NGLY1: variants seen among roughly 807,000 people sequenced by gnomAD.
NGLY1 encodes the protein peptide-N(4)-(N-acetyl-beta-glucosaminyl)asparagine amidase.
A neutral mutation model predicts 84.6 loss-of-function variants in NGLY1; 68 were observed. The ratio of observed to expected loss-of-function variants is 0.80; its 90% CI spans 0.66 to 0.98. The LOEUF is 0.98. NGLY1 is among the 50% of genes least tolerant of loss of function. The probability of loss-of-function intolerance (pLI) is 0.00; values close to 1 mark genes in which losing one functional copy is unlikely to be tolerated. For missense variants in NGLY1, 779 were observed against 770.2 expected (o/e 1.01, Z -0.14); for synonymous variants, 280 against 275.2 (o/e 1.02, Z -0.17).
In NGLY1 at chr3:25,734,127, C is replaced by G. The variant is rs549876252; in HGVS notation, c.1150-145G>C. On this transcript the variant is annotated intron_variant, in intron 7 of 11. Transcript: ENST00000280700. ...TGTTGTCCAGGCTAGAGTGCAGTGG[C>G]GTGATCTCAGCTCACTGCAGTCTCA... 4 of 1,096,598 alleles carry G rather than the reference C, an allele frequency of 3.6e-6. No individual in the cohort carries two copies. In the Admixed American group the frequency reaches 8.1e-5, roughly 22 times the overall value. The allele number at this position is 1,096,598 out of a possible 1,614,324, so 67.9% of individuals were successfully genotyped here. A position where few individuals can be genotyped will look rare whatever the true frequency, so the allele number is the denominator to read the frequency against.
At chr3:25,745,689 C>T (rs751125680) in intron 4 of NGLY1, among the ~76,000 whole-genome samples, 2 of 152,116 alleles carry the variant, frequency 1.3e-5, no homozygotes, top group African/African-American at 2.4e-5. Context: ...CCCTCTTATC[C>T]CTCTTATGTA....
chr3:25,755,145 C>T, intron 3 of NGLY1: 1 of 1,252,358 alleles, frequency 8.0e-7, no homozygotes. Context: ...GTGAGACTGG[C>T]AATCCAGTGT....
Position 25,775,672 on chromosome 3 carries a change from G to A in NGLY1, c.246+2902C>T, listed in dbSNP as rs1325331234. Among the ~76,000 whole-genome samples, 4 of 152,180 alleles carry A rather than the reference G, an allele frequency of 2.6e-5. No individual in the cohort carries two copies. In the East Asian group the frequency reaches 7.7e-4, roughly 29 times the overall value. ...TTAAAAAAATAAAGAAGAGTGGAAT[G>A]GCAGTTACCAAAGGCTTGGAGGGAT... is the stretch of plus-strand genomic sequence containing the variant. On this transcript the variant is annotated intron_variant, in intron 2 of 11. Transcript: ENST00000280700.
At chr3:25,782,985 T>G in intron 1 of NGLY1, 1 of 389,376 alleles carries the variant, frequency 2.6e-6, no homozygotes, top group Non-Finnish European at 4.7e-6. Flanking sequence ...CGGCCCCGCT[T>G]CCGGGACTCC....
At chr3:25,778,797 TTTTC>T (rs1360535024) in intron 1 of NGLY1, 109 bp from the exon 2 acceptor site, 1 of 504,382 alleles carries the variant, frequency 2.0e-6, no homozygotes, top group Non-Finnish European at 3.6e-6. Flanking sequence ...AGTCACCTGA[TTTTC>T]TTTCTTCCCT....
At chr3:25,776,904 C>T (rs1360428651) in intron 2 of NGLY1, among the ~76,000 whole-genome samples, 1 of 152,142 alleles carries the variant, frequency 6.6e-6, no homozygotes, top group African/African-American at 2.4e-5. Flanking sequence ...ATTCCAGGAG[C>T]TAGCAACACA....
At chr3:25,759,586 C>T (rs922532376) in intron 3 of NGLY1, among the ~76,000 whole-genome samples, 15 of 152,060 alleles carry the variant, frequency 9.9e-5, no homozygotes, top group Admixed American at 9.2e-4. Context: ...ATTGGCACAA[C>T]TCTGAAAAAA....
intron 10 of NGLY1, among the ~76,000 whole-genome samples, chr3:25,723,628 A>AG (rs11391425): frequency 2.0e-5 from 3 of 152,142 alleles, no homozygotes; most frequent in Non-Finnish European, 2.9e-5. Context: ...TTTATTTAAA[A>AG]GGAAAAAAAA....
chr3:25,777,922 T>C (rs1708232350), intron 2 of NGLY1: 1 of 152,226 alleles, frequency 6.6e-6, no homozygotes, highest in African/African-American at 2.4e-5. Flanking sequence ...CTTCTACAAT[T>C]GCCTATTCTG....
At chr3:25,754,059 T>C (rs368957750) in intron 3 of NGLY1, among the ~76,000 whole-genome samples, 1 of 152,128 alleles carries the variant, frequency 6.6e-6, no homozygotes, top group Non-Finnish European at 1.5e-5. Flanking sequence ...TGTTAGATAC[T>C]GGAAAAATAA....
intron 9 of NGLY1, chr3:25,729,836 G>A (rs540929443): frequency 6.6e-6 from 1 of 152,206 alleles, no homozygotes; most frequent in East Asian, 1.9e-4. Flanking sequence ...TCTCCAGCCA[G>A]ATCTTCTGTT....
intron 7 of NGLY1, 34 bp from the exon 8 acceptor site, chr3:25,734,016 A>C (rs1420940835): frequency 7.5e-6 from 12 of 1,605,022 alleles, no homozygotes; most frequent in Non-Finnish European, 9.4e-6. Flanking sequence ...ATACTTAACA[A>C]GATTACAACC....
chr3:25,723,105 C>T (rs1705088279), intron 10 of NGLY1, among the ~76,000 whole-genome samples: 1 of 152,072 alleles, frequency 6.6e-6, no homozygotes, highest in Non-Finnish European at 1.5e-5. Context: ...ATATGATAGG[C>T]TGAAATTACG....
intron 3 of NGLY1, chr3:25,754,889 T>C (rs1386168437): frequency 9.2e-6 from 6 of 654,144 alleles, no homozygotes; most frequent in East Asian, 8.0e-5. Flanking sequence ...AGACTACCAA[T>C]AGGCTCTCTC....
chr3:25,756,112 A>G (rs893646149), intron 3 of NGLY1, among the ~76,000 whole-genome samples: 1 of 152,176 alleles, frequency 6.6e-6, no homozygotes, highest in Non-Finnish European at 1.5e-5. Context: ...TCAATTTAGG[A>G]AACATTTTTG....
chr3:25,721,705 C>A (rs1366995734), intron 10 of NGLY1, among the ~76,000 whole-genome samples: 1 of 124,922 alleles, frequency 8.0e-6, no homozygotes, highest in Non-Finnish European at 1.6e-5. Context: ...GCCGAGACTG[C>A]GCCATTGCAC....
At chr3:25,756,721 T>C (rs1383203632) in intron 3 of NGLY1, among the ~76,000 whole-genome samples, 1 of 152,198 alleles carries the variant, frequency 6.6e-6, no homozygotes, top group African/African-American at 2.4e-5. Flanking sequence ...AGATCACATT[T>C]TTAGCTAGTT....
intron 7 of NGLY1, chr3:25,735,024 A>G: frequency 3.9e-6 from 1 of 256,524 alleles, no homozygotes; most frequent in Non-Finnish European, 6.2e-6. Flanking sequence ...TTCATTATCC[A>G]TATGTAAAAA....
chr3:25,742,349 T>G (rs1226210093), intron 4 of NGLY1, among the ~76,000 whole-genome samples: 1 of 152,200 alleles, frequency 6.6e-6, no homozygotes, highest in African/African-American at 2.4e-5. Context: ...TAAATAATAG[T>G]GTATGTACAA....
Sources: allele counts gnomAD v4.1 joint callset (sites outside exome capture counted in the v4.1 genomes callset), GRCh38; gene constraint gnomAD v4.1.1; transcripts MANE v1.5; gene names NCBI Gene and HGNC (gene_info 2026-07-23, HGNC 2026-07-21).